The following CCDC192 variants were observed in gnomAD, a reference collection of about 807,000 sequenced individuals.
CCDC192 encodes the protein coiled-coil domain containing 192, also known as coiled-coil domain-containing protein 192.
intron 6 of CCDC192, among the ~76,000 whole-genome samples, chr5:127,937,884 C>G (rs1428328846): frequency 6.6e-6 from 1 of 152,128 alleles, no homozygotes; most frequent in African/African-American, 2.4e-5. Context: ...TGTACAAATC[C>G]GTTGAAAATA....
chr5:127,876,085 T>C lies in CCDC192; in HGVS notation c.535+424T>C, dbSNP rs919952317. On this transcript the variant is annotated intron_variant, in intron 6 of 6. Transcript: ENST00000514853. ...AGAATTTTTTTTTTTTTTTTTTTTT[T>C]ACCAATAGGCAAATGAACCAGAAAC... Among the ~76,000 whole-genome samples the C allele has an allele frequency of 7.1e-5, 8 of 113,134 alleles. No homozygotes were observed. In the Admixed American group the frequency reaches 7.3e-4, roughly 10 times the overall value. 74.2% of individuals were successfully genotyped at this position (113,134 alleles called of 152,430 possible).
At chr5:127,926,502 A>G (rs975600094) in intron 6 of CCDC192, among the ~76,000 whole-genome samples, 2 of 152,208 alleles carry the variant, frequency 1.3e-5, no homozygotes, top group Non-Finnish European at 2.9e-5. Flanking sequence ...AGGAAGTTGC[A>G]GGAGCATGTT....
At position 127,798,147 on chromosome 5, in the gene CCDC192, G is replaced by A. The variant is rs570476910; in HGVS notation, c.396G>A (p.Glu132=). The part of the protein sequence containing the change: ...KLQAEVKASQ[E]QLIAQKLKHE... ...AAGCTGAAGTAAAAGCTTCCCAGGA[G>A]CAACTTATAGCCCAGGTAAGTGTTT... Residue 132 remains glutamate (E), a synonymous_variant, in exon 5 of 7, where the codon GAG becomes GAA. Transcript: ENST00000514853. 2.5e-6 allele frequency: 1 copy of A among 398,368 alleles called. No homozygotes were observed. The highest frequency in any genetic ancestry group is 1.3e-4 in the South Asian group (1 of 7,852). 24.7% of individuals were successfully genotyped at this position (398,368 alleles called of 1,614,324 possible).
chr5:127,885,354 A>C (rs993748820), intron 6 of CCDC192, among the ~76,000 whole-genome samples: 1 of 152,240 alleles, frequency 6.6e-6, no homozygotes, highest in African/African-American at 2.4e-5. Flanking sequence ...TTTGCAGAAC[A>C]GTCTTGGGCA....
intron 6 of CCDC192, among the ~76,000 whole-genome samples, chr5:127,891,213 T>A (rs1196645989): frequency 7.4e-6 from 1 of 135,616 alleles, no homozygotes; most frequent in Non-Finnish European, 1.7e-5. Flanking sequence ...CCACCGCTCC[T>A]GGCTAATTTT....
chr5:127,925,916 A>G (rs998176233), intron 6 of CCDC192, among the ~76,000 whole-genome samples: 15 of 152,218 alleles, frequency 9.9e-5, no homozygotes, highest in Admixed American at 5.9e-4. Context: ...CTTCAGCCAA[A>G]TTAAATTTAA....
chr5:127,747,134 T>G (rs1753804540), intron 2 of CCDC192, among the ~76,000 whole-genome samples: 1 of 152,030 alleles, frequency 6.6e-6, no homozygotes, highest in South Asian at 2.1e-4. Flanking sequence ...ACTTTAAGTT[T>G]TAGGGTACAT....
chr5:127,863,086 T>C (rs1335007761), intron 5 of CCDC192, among the ~76,000 whole-genome samples: 1 of 152,198 alleles, frequency 6.6e-6, no homozygotes, highest in Non-Finnish European at 1.5e-5. Context: ...TGTGCCTCTT[T>C]GGCAACAAAA....
intron 5 of CCDC192, among the ~76,000 whole-genome samples, chr5:127,863,459 A>G (rs1319718030): frequency 6.6e-6 from 1 of 152,226 alleles, no homozygotes; most frequent in African/African-American, 2.4e-5. Flanking sequence ...CAATCTCAAA[A>G]TAAATACTGT....
At chr5:127,867,662 G>T (rs889851151) in intron 5 of CCDC192, among the ~76,000 whole-genome samples, 5 of 152,190 alleles carry the variant, frequency 3.3e-5, no homozygotes, top group African/African-American at 1.2e-4. Context: ...TGTTCTCAGG[G>T]TGTGATTTGA....
At chr5:127,739,225 TC>T (rs1753239324) in intron 2 of CCDC192, among the ~76,000 whole-genome samples, 1 of 152,112 alleles carries the variant, frequency 6.6e-6, no homozygotes, top group South Asian at 2.1e-4. Flanking sequence ...GGGGGGTGCC[TC>T]CCAGTTAGGC....
intron 6 of CCDC192, among the ~76,000 whole-genome samples, chr5:127,909,145 A>T (rs1753276766): frequency 6.6e-6 from 1 of 152,156 alleles, no homozygotes; most frequent in African/African-American, 2.4e-5. Context: ...AGGTCTGTGA[A>T]GGCAGACACA....
intron 6 of CCDC192, among the ~76,000 whole-genome samples, chr5:127,887,670 T>C (rs1046821290): frequency 2.0e-5 from 3 of 152,118 alleles, no homozygotes; most frequent in African/African-American, 7.2e-5. Flanking sequence ...TTTTAAATTA[T>C]GTGTAACATT....
chr5:127,823,277 G>C (rs1202211568), intron 5 of CCDC192, among the ~76,000 whole-genome samples: 2 of 152,152 alleles, frequency 1.3e-5, no homozygotes, highest in East Asian at 3.8e-4. Flanking sequence ...GACAGAGCCT[G>C]GAGCTGTTTA....
chr5:127,868,435 T>G (rs1751705121), intron 5 of CCDC192, among the ~76,000 whole-genome samples: 1 of 152,232 alleles, frequency 6.6e-6, no homozygotes, highest in African/African-American at 2.4e-5. Flanking sequence ...GCTGGACAGT[T>G]TGTCCTCTAA....
intron 6 of CCDC192, among the ~76,000 whole-genome samples, chr5:127,904,879 G>A (rs191415060): frequency 8.1e-4 from 123 of 152,268 alleles, no homozygotes; most frequent in African/African-American, 2.9e-3. Context: ...AGGTAGGGTT[G>A]TGTGGTTTGC....
chr5:127,931,224 A>G (rs571525327), intron 6 of CCDC192, among the ~76,000 whole-genome samples: 1 of 152,282 alleles, frequency 6.6e-6, no homozygotes, highest in South Asian at 2.1e-4. Context: ...CCCTACCCAT[A>G]GGAAGGAAAA....
chr5:127,727,986 A>G (rs930822123), intron 2 of CCDC192, among the ~76,000 whole-genome samples: 12 of 152,174 alleles, frequency 7.9e-5, no homozygotes, highest in African/African-American at 2.9e-4. Context: ...GGCAAACAAG[A>G]TTAGAGAAAA....
chr5:127,738,794 G>A (rs1049375000), intron 2 of CCDC192, among the ~76,000 whole-genome samples: 1 of 152,106 alleles, frequency 6.6e-6, no homozygotes. Context: ...GCTTCTTTAA[G>A]CACTTCTCTG....
Sources: allele counts gnomAD v4.1 joint callset (sites outside exome capture counted in the v4.1 genomes callset), GRCh38; gene constraint gnomAD v4.1.1; transcripts MANE v1.5; gene names NCBI Gene and HGNC (gene_info 2026-07-23, HGNC 2026-07-21).